The following PPP1R12B variants were observed in gnomAD, a reference collection of about 807,000 sequenced individuals.
PPP1R12B encodes the protein protein phosphatase 1 regulatory subunit 12B.
Under a neutral mutation model 126.1 loss-of-function variants are expected in PPP1R12B, and 76 were observed. The ratio of observed to expected loss-of-function variants is 0.60; its 90% confidence interval spans 0.50 to 0.73. PPP1R12B has a LOEUF of 0.73. PPP1R12B is among the 30% of genes least tolerant of loss of function. PPP1R12B has a pLI of 0.00. For missense variants in PPP1R12B, 1,052 were observed against 1,205.1 expected, an observed-to-expected ratio of 0.87 and a Z score of 1.88; for synonymous variants, 356 against 434.7, an observed-to-expected ratio of 0.82 and a Z score of 2.25.
At chr1:202,544,078 C>A (rs1251872500) in intron 18 of PPP1R12B, among the ~76,000 whole-genome samples, 2 of 152,084 alleles carry the variant, frequency 1.3e-5, no homozygotes, top group Non-Finnish European at 2.9e-5. Flanking sequence ...GGAACCACAC[C>A]AGGTAGATAT....
chr1:202,575,222 T>C (rs1419380179), intron 23 of PPP1R12B: 3 of 1,478,376 alleles, frequency 2.0e-6, no homozygotes, highest in East Asian at 4.6e-5. Flanking sequence ...AGCTCTGTGC[T>C]CATCCCCTCC....
chr1:202,381,397 G>GGT (rs773680210), intron 1 of PPP1R12B, among the ~76,000 whole-genome samples: 1,308 of 23,306 alleles, frequency 0.056, 29 homozygotes, highest in African/African-American at 0.096. Context: ...TGAGCTTTGG[G>GGT]GTGTGTGTGT....
chr1:202,392,386 A>C (rs891788272), intron 1 of PPP1R12B, among the ~76,000 whole-genome samples: 1 of 152,154 alleles, frequency 6.6e-6, no homozygotes, highest in Non-Finnish European at 1.5e-5. Flanking sequence ...TCTACGTATT[A>C]TATGATTCTA....
intron 6 of PPP1R12B, among the ~76,000 whole-genome samples, chr1:202,429,556 G>A (rs188312350): frequency 5.9e-5 from 9 of 152,138 alleles, no homozygotes; most frequent in Non-Finnish European, 1.2e-4. Context: ...ACATAAGTAC[G>A]GTATTTTTGT....
At chr1:202,464,396 AC>A (rs1463866912) in intron 13 of PPP1R12B, among the ~76,000 whole-genome samples, 16 of 152,206 alleles carry the variant, frequency 1.1e-4, no homozygotes, top group African/African-American at 3.9e-4. Context: ...CTATTGATCT[AC>A]TTGAGTGTGA....
chr1:202,498,256 A>G (rs1326717183), intron 18 of PPP1R12B, among the ~76,000 whole-genome samples: 1 of 152,236 alleles, frequency 6.6e-6, no homozygotes, highest in Admixed American at 6.5e-5. Context: ...TGTGAAAGGC[A>G]TTTGTCAGAC....
At chr1:202,534,783 G>A (rs772403652) in intron 18 of PPP1R12B, among the ~76,000 whole-genome samples, 1 of 152,014 alleles carries the variant, frequency 6.6e-6, no homozygotes, top group African/African-American at 2.4e-5. Flanking sequence ...GAGGGAAGGA[G>A]GAAGATAGGT....
intron 1 of PPP1R12B, among the ~76,000 whole-genome samples, chr1:202,351,564 A>C (rs1433689194): frequency 6.6e-6 from 1 of 152,198 alleles, no homozygotes; most frequent in East Asian, 1.9e-4. Context: ...TAAGGTACAT[A>C]AAAGACTATT....
chr1:202,466,866 CT>C (rs563289157), intron 13 of PPP1R12B, among the ~76,000 whole-genome samples: 44 of 149,176 alleles, frequency 2.9e-4, no homozygotes, highest in African/African-American at 8.3e-4. Flanking sequence ...TTTGTTCTCA[CT>C]TTTTTTTTTA....
chr1:202,456,701 A>G (rs1323987859), intron 13 of PPP1R12B, among the ~76,000 whole-genome samples: 1 of 152,214 alleles, frequency 6.6e-6, no homozygotes, highest in Non-Finnish European at 1.5e-5. Context: ...GGTAGGGCAG[A>G]TGACTCACTT....
chr1:202,414,841 G>A (rs970913542), intron 1 of PPP1R12B, among the ~76,000 whole-genome samples: 4 of 152,148 alleles, frequency 2.6e-5, no homozygotes, highest in Admixed American at 6.5e-5. Context: ...AGGCTGGAGA[G>A]CAGTGATCAC....
intron 21 of PPP1R12B, among the ~76,000 whole-genome samples, chr1:202,567,050 CTAAG>C (rs1298868799): frequency 6.6e-6 from 1 of 152,114 alleles, no homozygotes; most frequent in African/African-American, 2.4e-5. Flanking sequence ...TGCCGTGAGG[CTAAG>C]TCTTTTCAGC....
chr1:202,410,907 C>A (rs1172269310), intron 1 of PPP1R12B, among the ~76,000 whole-genome samples: 2 of 152,146 alleles, frequency 1.3e-5, no homozygotes, highest in African/African-American at 4.8e-5. Context: ...ACTTAAACTG[C>A]ATCAGAAGGA....
intron 8 of PPP1R12B, among the ~76,000 whole-genome samples, chr1:202,433,063 A>C (rs1670380763): frequency 6.6e-6 from 1 of 152,266 alleles, no homozygotes; most frequent in Non-Finnish European, 1.5e-5. Flanking sequence ...CTAAGTTTAC[A>C]GTATAGGAGA....
intron 13 of PPP1R12B, among the ~76,000 whole-genome samples, chr1:202,451,877 C>G (rs1419196560): frequency 6.6e-6 from 1 of 151,666 alleles, no homozygotes; most frequent in South Asian, 2.1e-4. Context: ...GACGGGGTGG[C>G]TGCTGGGTGG....
At chr1:202,531,771 C>T (rs951677697) in intron 18 of PPP1R12B, among the ~76,000 whole-genome samples, 14 of 152,084 alleles carry the variant, frequency 9.2e-5, no homozygotes, top group African/African-American at 3.1e-4. Flanking sequence ...GATTTGAGGA[C>T]GAGGCAGAGA....
At chr1:202,452,017 C>A (rs964069526) in intron 13 of PPP1R12B, among the ~76,000 whole-genome samples, 2 of 152,000 alleles carry the variant, frequency 1.3e-5, no homozygotes, top group African/African-American at 2.4e-5. Context: ...ACGCTCCTCA[C>A]CTACCAGATG....
rs781565160 is a variant in PPP1R12B, at chr1:202,425,728, A to G, written c.701+3A>G. The stretch of plus-strand genomic sequence containing the variant: ...AAGGGCTACTCTGAAGTCCTCAGGT[A>G]TTGTCCATTTACATCAATCAGGAGT... On this transcript the variant is annotated splice_donor_region_variant and intron_variant, in intron 4 of 23. Transcript: ENST00000608999. 2 of 1,611,868 alleles carry G rather than the reference A, an allele frequency of 1.2e-6. No individual in the cohort carries two copies. Among genetic ancestry groups the G allele is most frequent in the Admixed American group, 1.7e-5 (1 of 59,798 alleles).
intron 10 of PPP1R12B, chr1:202,438,290 C>G (rs149358719): frequency 1.5e-4 from 235 of 1,529,826 alleles, no homozygotes; most frequent in Non-Finnish European, 1.8e-4. Context: ...TTACCTAAAG[C>G]AAAAAATGGA....
Sources: gnomAD v4.1 joint callset for allele counts (sites outside exome capture counted in the v4.1 genomes callset) on GRCh38, gnomAD v4.1.1 for gene constraint, MANE v1.5 for transcripts, NCBI Gene and HGNC (gene_info 2026-07-23, HGNC 2026-07-21) for gene names.